NOL10: variants seen among roughly 807,000 people sequenced by gnomAD.
NOL10 encodes nucleolar protein 10.
NOL10 carries 58 observed loss-of-function variants against 103.5 expected under a neutral mutation model. The observed-to-expected ratio is 0.56, with a 90% CI of 0.45 to 0.70. NOL10 has a LOEUF of 0.70. Among genes scored for constraint, NOL10 ranks in the 30% least tolerant of loss-of-function variants. The probability of loss-of-function intolerance (pLI) is 0.00; values close to 1 mark genes in which losing one functional copy is unlikely to be tolerated. For missense variants in NOL10, 763 were observed against 807.3 expected (o/e 0.95, Z 0.67); for synonymous variants, 287 against 282.5 (o/e 1.02, Z -0.16).
Position 10,671,541 on chromosome 2 carries a change from C to A in NOL10, c.464+13G>T. 1 of 1,564,360 alleles carries A rather than the reference C, an allele frequency of 6.4e-7. No individual in the cohort carries two copies. The stretch of plus-strand genomic sequence containing the variant: ...AGGAGGTGAAAAGGAGAAAAAGGGA[C>A]TGGATCCAATACCTTGCACCAACAA... On this transcript the variant is annotated intron_variant, in intron 6 of 20. Coordinates refer to ENST00000381685, the MANE Select transcript of NOL10 (RefSeq NM_024894.4).
chr2:10,664,592 G>C (rs531399078), intron 8 of NOL10, among the ~76,000 whole-genome samples: 31 of 152,226 alleles, frequency 2.0e-4, no homozygotes, highest in Non-Finnish European at 4.4e-4. Context: ...CCCAGCTGGA[G>C]TGCAGGGCAC....
intron 13 of NOL10, among the ~76,000 whole-genome samples, chr2:10,635,053 G>A (rs1315662417): frequency 3.9e-5 from 6 of 151,970 alleles, no homozygotes. Flanking sequence ...TGGAACATTT[G>A]TATAAAAATA....
At chr2:10,682,371 C>T (rs548924991) in intron 2 of NOL10, among the ~76,000 whole-genome samples, 10 of 150,492 alleles carry the variant, frequency 6.6e-5, no homozygotes, top group Non-Finnish European at 1.3e-4. Context: ...TCCAGTGTTA[C>T]AGGAGGAAGA....
chr2:10,604,133 C>A (rs187101295), intron 14 of NOL10, among the ~76,000 whole-genome samples: 23 of 152,324 alleles, frequency 1.5e-4, no homozygotes, highest in Admixed American at 1.4e-3. Flanking sequence ...GAATCAAATG[C>A]CACGGCTGGC....
chr2:10,676,459 G>A (rs1337878158), intron 3 of NOL10, among the ~76,000 whole-genome samples: 1 of 152,130 alleles, frequency 6.6e-6, no homozygotes, highest in Non-Finnish European at 1.5e-5. Flanking sequence ...CCACACAAGG[G>A]AATATTACAT....
intron 19 of NOL10, among the ~76,000 whole-genome samples, chr2:10,579,850 A>G (rs1050430901): frequency 5.9e-5 from 9 of 152,214 alleles, no homozygotes; most frequent in African/African-American, 1.9e-4. Context: ...TATACAGAAA[A>G]CACTAATTTA....
At chr2:10,632,304 G>C (rs561170422) in intron 13 of NOL10, among the ~76,000 whole-genome samples, 1 of 152,302 alleles carries the variant, frequency 6.6e-6, no homozygotes, top group African/African-American at 2.4e-5. Flanking sequence ...TAAACGAAGA[G>C]AAAATATTTT....
At chr2:10,609,143 C>A (rs765698336) in intron 13 of NOL10, among the ~76,000 whole-genome samples, 5 of 151,942 alleles carry the variant, frequency 3.3e-5, no homozygotes, top group Non-Finnish European at 4.4e-5. Context: ...AGTTTAAAAT[C>A]CAGCTGAAGC....
intron 12 of NOL10, among the ~76,000 whole-genome samples, chr2:10,647,517 G>GA (rs1402799812): frequency 6.6e-6 from 1 of 152,218 alleles, no homozygotes; most frequent in Non-Finnish European, 1.5e-5. Context: ...CAGTGGATTA[G>GA]AAAATTCGAA....
At chr2:10,607,433 G>T in intron 13 of NOL10, 122 bp from the exon 14 acceptor site, 1 of 1,036,080 alleles carries the variant, frequency 9.7e-7, no homozygotes, top group Non-Finnish European at 1.4e-6. Context: ...CAGAAGTATT[G>T]ACAAATGGAT....
chr2:10,629,881 A>G (rs189224698), intron 13 of NOL10, among the ~76,000 whole-genome samples: 85 of 152,366 alleles, frequency 5.6e-4, no homozygotes, highest in African/African-American at 2.0e-3. Context: ...ACACAATGCC[A>G]TAATTATTAT....
chr2:10,659,021 G>GA, intron 10 of NOL10, 151 bp downstream of exon 10: 3 of 637,174 alleles, frequency 4.7e-6, no homozygotes, highest in Middle Eastern at 2.5e-4. Flanking sequence ...GATTTCTCAA[G>GA]GTGTGGAAGA....
At chr2:10,624,182 T>C (rs1201876528) in intron 13 of NOL10, among the ~76,000 whole-genome samples, 1 of 151,980 alleles carries the variant, frequency 6.6e-6, no homozygotes, top group Non-Finnish European at 1.5e-5. Flanking sequence ...TCTTTTCTTT[T>C]TTTTTTTTTT....
At chr2:10,584,441 C>T (rs148975752) in intron 19 of NOL10, among the ~76,000 whole-genome samples, 20 of 152,358 alleles carry the variant, frequency 1.3e-4, no homozygotes, top group Non-Finnish European at 2.2e-4. Context: ...CATATGACCA[C>T]ACCAAGCAAC....
chr2:10,581,222 T>C (rs1355323480), intron 19 of NOL10, among the ~76,000 whole-genome samples: 1 of 152,198 alleles, frequency 6.6e-6, no homozygotes, highest in African/African-American at 2.4e-5. Context: ...ACAGGCGCTC[T>C]GGCCAGAGTG....
At position 10,615,000 on chromosome 2, in the gene NOL10, A is replaced by C. The variant is rs117074146; in HGVS notation, c.1027-7689T>G. 5.2e-4 allele frequency among the ~76,000 whole-genome samples: 79 copies of C among 152,380 alleles called. 2 individuals are homozygous for C. The East Asian group carries it at 0.014, about 26-fold the overall frequency. ...CTAGGAGCAGCAGCATGTATTTTCA[A>C]ATTCTGACAGCTGAGGCTTAATAAA... On this transcript the variant is annotated intron_variant, in intron 13 of 20. Transcript: ENST00000381685.
At position 10,673,993 on chromosome 2, in the gene NOL10, T is replaced by C. The variant is rs143597384; in HGVS notation, c.290-436A>G. ...AGCCATTATTAGTGGCACACAGAGT[T>C]TCTATTGTTTTCAATAAACAAAGAT... On this transcript the variant is annotated intron_variant, in intron 4 of 20. Coordinates refer to ENST00000381685, the MANE Select transcript of NOL10 (RefSeq NM_024894.4). Among the ~76,000 whole-genome samples the C allele has an allele frequency of 6.4e-3, 967 of 152,146 alleles. 15 individuals are homozygous for C. Among genetic ancestry groups the C allele is most frequent in the African/African-American group, 0.022 (905 of 41,536 alleles).
intron 19 of NOL10, among the ~76,000 whole-genome samples, chr2:10,579,604 G>A (rs1002252452): frequency 6.7e-6 from 1 of 150,136 alleles, no homozygotes; most frequent in African/African-American, 2.5e-5. Context: ...AAGTGTAAAC[G>A]GACTCTGGCA....
At chr2:10,689,436 GGA>G (rs1220812696) in intron 1 of NOL10, among the ~76,000 whole-genome samples, 1 of 152,216 alleles carries the variant, frequency 6.6e-6, no homozygotes, top group Non-Finnish European at 1.5e-5. Flanking sequence ...GCCATATGGG[GGA>G]GAGATGTGTC....
Sources: gnomAD v4.1 joint callset for allele counts (sites outside exome capture counted in the v4.1 genomes callset) on GRCh38, gnomAD v4.1.1 for gene constraint, MANE v1.5 for transcripts, NCBI Gene and HGNC (gene_info 2026-07-23, HGNC 2026-07-21) for gene names.